Variants in TG observed in about 807,000 individuals in gnomAD.
TG encodes thyroglobulin, also known as thyroid hormones.
In TG, 270 loss-of-function variants were observed where a neutral mutation model predicts 324.7. That is an observed-to-expected ratio of 0.83 (90% CI 0.75 to 0.92). TG has a LOEUF of 0.92. Among genes scored for constraint, TG ranks in the 40% least tolerant of loss-of-function variants. The pLI, the probability that TG is intolerant of heterozygous loss-of-function variation, is 0.00. For synonymous variants in TG, 1,401 were observed against 1,327.0 expected (o/e 1.06, Z -1.21); for missense variants, 3,591 against 3,456.4 (o/e 1.04, Z -0.98).
chr8:133,099,048 A>G (rs1301300575), intron 43 of TG, among the ~76,000 whole-genome samples: 4 of 152,210 alleles, frequency 2.6e-5, no homozygotes, highest in Non-Finnish European at 4.4e-5. Flanking sequence ...TTTTAAGGAA[A>G]GCTTACTTTG....
At chr8:132,955,655 T>C (rs1564000081) in intron 27 of TG, among the ~76,000 whole-genome samples, 1 of 152,156 alleles carries the variant, frequency 6.6e-6, no homozygotes, top group Non-Finnish European at 1.5e-5. Flanking sequence ...GTGGTGGTGG[T>C]GTTAACTGGG....
At chr8:133,010,842 C>T (rs1464861432) in intron 35 of TG, among the ~76,000 whole-genome samples, 1 of 152,184 alleles carries the variant, frequency 6.6e-6, no homozygotes, top group Non-Finnish European at 1.5e-5. Context: ...CATGCTGAGA[C>T]AGCCACGTCC....
At chr8:133,019,833 C>T (rs13278046) in intron 39 of TG, 138 bp downstream of exon 39, 1 of 704,274 alleles carries the variant, frequency 1.4e-6, no homozygotes, top group East Asian at 3.2e-5. Flanking sequence ...CCTAAGGACA[C>T]TCAGTTAGTG....
chr8:132,870,627 A>G (rs1485216978), intron 3 of TG, among the ~76,000 whole-genome samples: 3 of 152,034 alleles, frequency 2.0e-5, no homozygotes, highest in African/African-American at 7.3e-5. Flanking sequence ...ATTTATAAAG[A>G]AAAGAGATGT....
intron 35 of TG, among the ~76,000 whole-genome samples, chr8:133,010,404 TTA>T: frequency 6.6e-6 from 1 of 152,234 alleles, no homozygotes; most frequent in East Asian, 1.9e-4. Context: ...TACCAAATAT[TTA>T]TTAAAGGACA....
At chr8:133,108,678 G>A (rs1850028941) in intron 43 of TG, among the ~76,000 whole-genome samples, 1 of 152,196 alleles carries the variant, frequency 6.6e-6, no homozygotes, top group Non-Finnish European at 1.5e-5. Context: ...TTTGACTTTA[G>A]CATCCTACTT....
At position 132,890,832 on chromosome 8, in the gene TG, C is replaced by T. The variant is rs114013934; in HGVS notation, c.2761+2264C>T. On this transcript the variant is annotated intron_variant, in intron 10 of 47. Transcript: ENST00000220616. ...TAACTTCCTACATGCATCACCCACA[C>T]GGGTGATGGCTCAGGCCTCTAGGAG... Among the ~76,000 whole-genome samples the T allele has an allele frequency of 5.4e-3, 819 of 152,300 alleles. 4 individuals are homozygous for T. Among genetic ancestry groups the T allele is most frequent in the African/African-American group, 0.014 (591 of 41,560 alleles).
At position 133,113,406 on chromosome 8, in the gene TG, CTT is replaced by C. The variant is rs759533889; in HGVS notation, c.7573-6_7573-5del. The C allele has an allele frequency of 8.1e-7, 1 of 1,238,012 alleles. No individual in the cohort carries two copies. Among genetic ancestry groups the C allele is most frequent in the Non-Finnish European group, 1.1e-6 (1 of 887,178 alleles). The allele number at this position is 1,238,012 out of a possible 1,614,324, so 76.7% of individuals were successfully genotyped here. A position where few individuals can be genotyped will look rare whatever the true frequency, so the allele number is the denominator to read the frequency against. On this transcript the variant is annotated splice_polypyrimidine_tract_variant and intron_variant, in intron 43 of 47. Transcript: ENST00000220616. ...AGAATCCAACTGAGGAATTTCGTAT[CTT>C]TTTTTTTTTCTAGCAATTTGAGGAA...
In TG at chr8:132,972,581, T is replaced by A. The variant is rs202068668; in HGVS notation, c.6056-17T>A. On this transcript the variant is annotated splice_polypyrimidine_tract_variant and intron_variant, in intron 33 of 47. Coordinates refer to ENST00000220616, the MANE Select transcript of TG (RefSeq NM_003235.5). ...TTTCCTGATTGTGGTTTTTTGTTTTTTTTTTTTCCACCCCAGGAGGAGAGG... is the reference window on the plus strand; with the variant it reads ...TTTCCTGATTGTGGTTTTTTGTTTTATTTTTTTCCACCCCAGGAGGAGAGG... The A allele has an allele frequency of 3.7e-6, 6 of 1,607,210 alleles. No individual in the cohort carries two copies. The East Asian group carries it at 1.1e-4, about 30-fold the overall frequency.
Position 132,919,517 on chromosome 8 carries a change from A to G in TG, c.4520A>G (p.Gln1507Arg). ...ACCATTTCTGCTGGAGCTTTCAGCCAGACTCACTGTAAGTTCTGTGGAGTG... is the reference window on the plus strand; with the variant it reads ...ACCATTTCTGCTGGAGCTTTCAGCCGGACTCACTGTAAGTTCTGTGGAGTG... ...RTTISAGAFS[Q>R]THCVTDCQRN... The change falls in exon 21 of 48, where the codon CAG becomes CGG. Residue 1507 changes from glutamine (Q) to arginine (R), a missense_variant. Gln to Arg is a conservative substitution (Grantham distance 43). Coordinates refer to ENST00000220616, the MANE Select transcript of TG (RefSeq NM_003235.5). The G allele has an allele frequency of 1.2e-6, 2 of 1,613,912 alleles. No individual in the cohort carries two copies. The highest frequency in any genetic ancestry group is 1.7e-5 in the Admixed American group (1 of 60,008).
chr8:133,065,695 G>A (rs1842937592), intron 41 of TG, among the ~76,000 whole-genome samples: 1 of 152,150 alleles, frequency 6.6e-6, no homozygotes, highest in South Asian at 2.1e-4. Context: ...CCAGTGGGCG[G>A]AGGTGGCAGT....
chr8:133,047,584 G>T, intron 41 of TG: 1 of 530,160 alleles, frequency 1.9e-6, no homozygotes, highest in East Asian at 3.4e-5. Context: ...TTTCCAGCAG[G>T]AGTCATCAGG....
intron 43 of TG, among the ~76,000 whole-genome samples, chr8:133,109,555 T>C (rs1329543223): frequency 6.6e-6 from 1 of 152,140 alleles, no homozygotes; most frequent in Non-Finnish European, 1.5e-5. Context: ...AAGTGGCAGC[T>C]CGTCTGGGTG....
chr8:132,913,177 T>C lies in TG; in HGVS notation c.4290T>C (p.Phe1430=). ...ETIRFLQGDH[F]GTSPRTWFGC... ...TCCGCTTCCTCCAAGGGGACCACTT[T>C]GGCACCTCTCCCAGGACATGGTTTG... Residue 1430 remains phenylalanine, a synonymous_variant, in exon 20 of 48, where the codon TTT becomes TTC. Coordinates refer to ENST00000220616, the MANE Select transcript of TG (RefSeq NM_003235.5). 1 of 1,614,174 alleles carries C rather than the reference T, an allele frequency of 6.2e-7. No homozygotes were observed. The highest frequency in any genetic ancestry group is 8.5e-7 in the Non-Finnish European group (1 of 1,180,024).
At chr8:132,967,110 GATCCATCCATCCATCCATCCATCC>G (rs58544413) in intron 30 of TG, among the ~76,000 whole-genome samples, 1 of 129,204 alleles carries the variant, frequency 7.7e-6, no homozygotes, top group Admixed American at 7.8e-5. Context: ...CCATCCATTC[GATCCATCCATCCATCCATCCATCC>G]ATCCATCCAT....
intron 45 of TG, 45 bp downstream of exon 45, chr8:133,116,761 G>A (rs1199490865): frequency 6.5e-7 from 1 of 1,530,470 alleles, no homozygotes; most frequent in East Asian, 2.3e-5. Flanking sequence ...AAAACCGAAT[G>A]ATAAGTCCCA....
At chr8:132,936,210 A>G (rs540920426) in intron 25 of TG, among the ~76,000 whole-genome samples, 1 of 152,370 alleles carries the variant, frequency 6.6e-6, no homozygotes, top group South Asian at 2.1e-4. Flanking sequence ...ATCTTGGCAG[A>G]ACCCGCTGAG....
chr8:133,055,365 G>GCACACA (rs869172140), intron 41 of TG, among the ~76,000 whole-genome samples: 13 of 62,272 alleles, frequency 2.1e-4, no homozygotes, highest in East Asian at 7.1e-4. Context: ...ACGCACGCGC[G>GCACACA]CACACACACA....
chr8:132,946,588 C>T (rs1366187552), intron 26 of TG, among the ~76,000 whole-genome samples: 1 of 152,084 alleles, frequency 6.6e-6, no homozygotes, highest in Admixed American at 6.6e-5. Flanking sequence ...TGGTGGATTC[C>T]CCTCCTTCCC....
Sources: allele counts gnomAD v4.1 joint callset (sites outside exome capture counted in the v4.1 genomes callset), GRCh38; gene constraint gnomAD v4.1.1; transcripts MANE v1.5; gene names NCBI Gene and HGNC (gene_info 2026-07-23, HGNC 2026-07-21).